Variants in SARM1 observed in about 807,000 individuals in gnomAD.
SARM1 encodes the protein NAD(+) hydrolase SARM1.
In SARM1, 60 loss-of-function variants were observed where a neutral mutation model predicts 65.1. That is an observed-to-expected ratio of 0.92 (90% CI 0.75 to 1.14). The LOEUF is 1.14. SARM1 is among the 50% of genes most tolerant of loss of function. The pLI is 0.00. For missense variants in SARM1, 913 were observed against 1,015.7 expected (o/e 0.90, Z 1.37); for synonymous variants, 417 against 465.4 (o/e 0.90, Z 1.34).
chr17:28,402,043 G>A lies in SARM1; in HGVS notation c.*5757G>A, dbSNP rs545097871. ...TGCTGACTGCAAATCCCAACTCTGC[G>A]GTTTGAAAATCCAAGGTGGCATGAT... On this transcript the variant is annotated 3_prime_UTR_variant, in exon 9 of 9. Coordinates refer to ENST00000585482, the MANE Select transcript of SARM1 (RefSeq NM_015077.4). 17 of 525,422 alleles carry A rather than the reference G, an allele frequency of 3.2e-5. No individual in the cohort carries two copies. The highest frequency in any genetic ancestry group is 5.6e-5 in the South Asian group (2 of 35,756). 32.5% of individuals were successfully genotyped at this position (525,422 alleles called of 1,614,324 possible). A position where few individuals can be genotyped will look rare whatever the true frequency, so the allele number is the denominator to read the frequency against.
At chr17:28,373,298 C>T (rs2067969019) in intron 1 of SARM1, 1 of 152,206 alleles carries the variant, frequency 6.6e-6, no homozygotes, top group Admixed American at 6.5e-5. Flanking sequence ...ATGAAGACCT[C>T]CAAGGACTCA....
chr17:28,396,021 T>C lies in SARM1; in HGVS notation c.2040T>C (p.Gly680=), dbSNP rs782685680. Reference sequence around the variant, plus strand: ...TGCAGGCTGTGCTTACTTTCAACGGTATCAAGTGAGCCCCAGGGCCCTGGG... The same window carrying C: ...TGCAGGCTGTGCTTACTTTCAACGGCATCAAGTGAGCCCCAGGGCCCTGGG... ...EDMQAVLTFN[G]IKWSHEYQEA... Residue 680 remains glycine, a synonymous_variant, in exon 8 of 9, where the codon GGT becomes GGC. Transcript: ENST00000585482. The C allele has an allele frequency of 2.4e-5, 39 of 1,613,666 alleles. No individual in the cohort carries two copies. The highest frequency in any genetic ancestry group is 3.2e-5 in the Non-Finnish European group (38 of 1,179,814).
Position 28,385,079 on chromosome 17 carries a change from C to T in SARM1, c.1434C>T (p.Asn478=), listed in dbSNP as rs573962718. 150 of 1,613,926 alleles carry T rather than the reference C, an allele frequency of 9.3e-5. 2 individuals carry two copies. In the South Asian group the frequency reaches 1.6e-3, roughly 17 times the overall value. ...TCACGGAGCTCAAGACCTTCGCCAA[C>T]TATTCTACGTGCGACCGCAGCAACC... is the stretch of plus-strand genomic sequence containing the variant. ...RELTELKTFA[N]YSTCDRSNLA... Residue 478 remains asparagine, a synonymous_variant, in exon 5 of 9, where the codon AAC becomes AAT. Coordinates refer to ENST00000585482, the MANE Select transcript of SARM1 (RefSeq NM_015077.4). This position sits in a 1 kb window ranked among gnomAD's most constrained non-coding sequence, Gnocchi z 4.5.
intron 7 of SARM1, chr17:28,394,815 C>T (rs1240232887): frequency 6.6e-6 from 1 of 152,144 alleles, no homozygotes; most frequent in African/African-American, 2.4e-5. Context: ...GGTTTCACTT[C>T]CACAGGCAAA....
In SARM1 at chr17:28,399,688, G is replaced by A. The variant is rs370669989; in HGVS notation, c.*3402G>A. 81 of 1,613,994 alleles carry A rather than the reference G, an allele frequency of 5.0e-5. No homozygotes were observed. Among genetic ancestry groups the A allele is most frequent in the Non-Finnish European group, 6.2e-5 (73 of 1,179,894 alleles). ...CTCTGGGGAAACTGCTGGAACTCGA[G>A]GTGAGGATCAGCCTTTTCCAGCATC... is the stretch of plus-strand genomic sequence containing the variant. On this transcript the variant is annotated 3_prime_UTR_variant, in exon 9 of 9. Transcript: ENST00000585482.
At chr17:28,387,209 G>A (rs2068054922) in intron 5 of SARM1, among the ~76,000 whole-genome samples, 1 of 148,980 alleles carries the variant, frequency 6.7e-6, no homozygotes, top group Admixed American at 6.7e-5. Context: ...GACTACACTG[G>A]GCAATTCTTT....
Position 28,395,962 on chromosome 17 carries a change from G to A in SARM1, c.1981G>A (p.Glu661Lys), listed in dbSNP as rs782423138. Residue 661 changes from glutamate (E) to lysine (K), a missense_variant, in exon 8 of 9, where the codon GAG becomes AAG. Glu to Lys is a moderately conservative substitution (Grantham distance 56). Coordinates refer to ENST00000585482, the MANE Select transcript of SARM1 (RefSeq NM_015077.4). ...KNIVPIIDGF[E>K]WPEPQVLPED... ...CATTGTGCCCATCATTGATGGCTTC[G>A]AGTGGCCTGAGCCCCAGGTCCTGCC... is the stretch of plus-strand genomic sequence containing the variant. 7 of 1,613,836 alleles carry A rather than the reference G, an allele frequency of 4.3e-6. No homozygotes were observed. The East Asian group carries it at 6.7e-5, about 15-fold the overall frequency.
At chr17:28,376,181 CA>C (rs1177397475) in intron 1 of SARM1, among the ~76,000 whole-genome samples, 2 of 152,070 alleles carry the variant, frequency 1.3e-5, no homozygotes, top group East Asian at 3.9e-4. Context: ...TCAGGAGACT[CA>C]AAATAAAGTC....
Position 28,377,363 on chromosome 17 carries a change from G to A in SARM1, c.471-3840G>A, listed in dbSNP as rs185992462. On this transcript the variant is annotated intron_variant, in intron 1 of 8. Transcript: ENST00000585482. ...CCAGCGCTTTGGGAGGCCGAAGTGG[G>A]AGGATTGTTTGAGCCCAGGAGTTTG... Among the ~76,000 whole-genome samples the A allele has an allele frequency of 2.2e-3, 328 of 152,294 alleles. 8 individuals are homozygous for A. Among genetic ancestry groups the A allele is most frequent in the Admixed American group, 0.018 (277 of 15,300 alleles).
rs1342142022 is a variant in SARM1 at position 28,381,859 on chromosome 17, G to A, written c.1089+38G>A. 4 of 1,401,098 alleles carry A rather than the reference G, an allele frequency of 2.9e-6. No homozygotes were observed. In the African/African-American group the frequency reaches 4.5e-5, roughly 16 times the overall value. 86.8% of individuals were successfully genotyped at this position (1,401,098 alleles called of 1,614,324 possible). On this transcript the variant is annotated intron_variant, in intron 2 of 8. Coordinates refer to ENST00000585482, the MANE Select transcript of SARM1 (RefSeq NM_015077.4). ...GTGGGGTTGGGTGGATCAGGGGTTAGAGAGCCTTTGGGAAGGTTTCCCAGA... is the reference window on the plus strand; with the variant it reads ...GTGGGGTTGGGTGGATCAGGGGTTAAAGAGCCTTTGGGAAGGTTTCCCAGA...
chr17:28,389,428 G>A (rs2142435306), intron 7 of SARM1, among the ~76,000 whole-genome samples: 1 of 152,292 alleles, frequency 6.6e-6, no homozygotes, highest in South Asian at 2.1e-4. Context: ...CTGACGCATT[G>A]TAGGAACTTA....
At chr17:28,388,766 C>CTTTTTTTTTT (rs371410539) in intron 7 of SARM1, among the ~76,000 whole-genome samples, 4 of 135,914 alleles carry the variant, frequency 2.9e-5, no homozygotes, top group African/African-American at 5.4e-5. Flanking sequence ...TTTTCTTTTT[C>CTTTTTTTTTT]TTTTTTTTTT....
At chr17:28,387,755 CT>C (rs1390745086) in intron 5 of SARM1, among the ~76,000 whole-genome samples, 1 of 152,194 alleles carries the variant, frequency 6.6e-6, no homozygotes, top group African/African-American at 2.4e-5. Flanking sequence ...ACAGCAAGTG[CT>C]TAGGATGTAT....
rs536800645 is a variant in SARM1, at chr17:28,381,906, C to T, written c.1089+85C>T. On this transcript the variant is annotated intron_variant, in intron 2 of 8. Transcript: ENST00000585482. ...CAGAGGAAGTCACATTCAACCGGGT[C>T]TTGAAATACACATCAGAATTAGATG... The T allele has an allele frequency of 2.2e-6, 3 of 1,350,478 alleles. No homozygotes were observed. In the South Asian group the frequency reaches 5.4e-5, roughly 25 times the overall value. 83.7% of individuals were successfully genotyped at this position (1,350,478 alleles called of 1,614,324 possible).
intron 2 of SARM1, among the ~76,000 whole-genome samples, chr17:28,383,127 A>T (rs2068032443): frequency 6.6e-6 from 1 of 152,146 alleles, no homozygotes; most frequent in East Asian, 1.9e-4. Context: ...TAATCCCAGC[A>T]CTTTGGGAGG....
chr17:28,383,728 C>T (rs1416946621), intron 2 of SARM1, among the ~76,000 whole-genome samples: 1 of 152,230 alleles, frequency 6.6e-6, no homozygotes. Context: ...TCAGCTTATA[C>T]TCCAGTGGAA....
In SARM1 at chr17:28,401,019, G is replaced by A; in HGVS notation, c.*4733G>A. 2.2e-6 allele frequency: 1 copy of A among 462,656 alleles called. No homozygotes were observed. Among genetic ancestry groups the A allele is most frequent in the Non-Finnish European group, 3.8e-6 (1 of 264,406 alleles). 28.7% of individuals were successfully genotyped at this position (462,656 alleles called of 1,614,324 possible). A position where few individuals can be genotyped will look rare whatever the true frequency, so the allele number is the denominator to read the frequency against. On this transcript the variant is annotated 3_prime_UTR_variant, in exon 9 of 9. Transcript: ENST00000585482. ...CATTAAAAGTACATGTGATCTGACA[G>A]AACCCAGCACATAAAAGAAAAAAAA...
At chr17:28,377,272 G>T (rs1555584734) in intron 1 of SARM1, among the ~76,000 whole-genome samples, 1 of 151,932 alleles carries the variant, frequency 6.6e-6, no homozygotes, top group Non-Finnish European at 1.5e-5. Context: ...TACCCTCTCT[G>T]AGTTTTGGTT....
intron 1 of SARM1, among the ~76,000 whole-genome samples, chr17:28,380,504 C>G (rs1399424287): frequency 6.6e-6 from 1 of 152,236 alleles, no homozygotes; most frequent in African/African-American, 2.4e-5. Flanking sequence ...GTTTTCTTGT[C>G]TATGTCTTCC....
Sources: gnomAD v4.1 joint callset for allele counts (sites outside exome capture counted in the v4.1 genomes callset) on GRCh38, gnomAD v4.1.1 for gene constraint, Gnocchi (gnomAD v3.1) non-coding constraint, MANE v1.5 for transcripts, NCBI Gene and HGNC (gene_info 2026-07-23, HGNC 2026-07-21) for gene names.